Variants in CDK13 observed in about 807,000 individuals in gnomAD.
CDK13 encodes the protein cyclin dependent kinase 13, also known as cyclin-dependent kinase 13.
Under a neutral mutation model 137.6 loss-of-function variants are expected in CDK13, and 40 were observed. That is an observed-to-expected ratio of 0.29 (90% CI 0.23 to 0.38). The LOEUF (loss-of-function observed/expected upper bound fraction) is 0.38. Ranked by LOEUF, CDK13 falls within the 10% of genes least tolerant of loss-of-function variation. The pLI is 1.00. For missense variants in CDK13, 1,704 were observed against 1,951.8 expected, an observed-to-expected ratio of 0.87 and a Z score of 2.39; for synonymous variants, 869 against 760.1, an observed-to-expected ratio of 1.14 and a Z score of -2.36.
chr7:40,080,579 AT>A (rs1165560753), intron 11 of CDK13, among the ~76,000 whole-genome samples: 1 of 152,000 alleles, frequency 6.6e-6, no homozygotes, highest in Non-Finnish European at 1.5e-5. Context: ...AGGGACCTGA[AT>A]TTTTCACTGT....
intron 7 of CDK13, among the ~76,000 whole-genome samples, chr7:40,057,450 A>G (rs1786045411): frequency 6.6e-6 from 1 of 152,178 alleles, no homozygotes; most frequent in East Asian, 1.9e-4. Flanking sequence ...GAGAGTAATG[A>G]GCCAGGCCTA....
chr7:39,966,093 G>A (rs182962190), intron 1 of CDK13, among the ~76,000 whole-genome samples: 2 of 152,178 alleles, frequency 1.3e-5, no homozygotes, highest in African/African-American at 4.8e-5. Flanking sequence ...ACAATTACGT[G>A]TCTTGGAGTA....
chr7:39,979,966 A>G (rs776895649), intron 1 of CDK13, among the ~76,000 whole-genome samples: 2 of 152,204 alleles, frequency 1.3e-5, no homozygotes, highest in East Asian at 1.9e-4. Flanking sequence ...CATTTTCCCA[A>G]GAGACTCCAG....
intron 2 of CDK13, among the ~76,000 whole-genome samples, chr7:39,990,452 T>TA (rs781692733): frequency 1.8e-4 from 28 of 152,306 alleles, no homozygotes; most frequent in Non-Finnish European, 3.2e-4. Flanking sequence ...ACTAACTACA[T>TA]ATGAGGAAGA....
chr7:40,054,283 C>T (rs1584044748), intron 7 of CDK13, among the ~76,000 whole-genome samples: 3 of 152,252 alleles, frequency 2.0e-5, no homozygotes, highest in Admixed American at 2.0e-4. Context: ...TTGAATCTCC[C>T]TTTGTCATAT....
chr7:39,956,354 T>G (rs564757292), intron 1 of CDK13, among the ~76,000 whole-genome samples: 1 of 152,366 alleles, frequency 6.6e-6, no homozygotes, highest in Admixed American at 6.5e-5. Context: ...AAACTTCACC[T>G]GACATTTACA....
At chr7:40,067,732 T>G (rs1786311947) in intron 9 of CDK13, 2 of 152,214 alleles carry the variant, frequency 1.3e-5, no homozygotes, top group Admixed American at 1.3e-4. Flanking sequence ...GAGGGTCACT[T>G]GAGGCCAGGA....
chr7:40,008,523 T>G (rs1784837529), intron 5 of CDK13, among the ~76,000 whole-genome samples: 1 of 152,210 alleles, frequency 6.6e-6, no homozygotes, highest in South Asian at 2.1e-4. Context: ...GATTTTTCTT[T>G]ATTGTTAGTT....
chr7:40,069,701 G>T (rs1185686498), intron 9 of CDK13: 1 of 153,218 alleles, frequency 6.5e-6, no homozygotes, highest in East Asian at 1.9e-4. Flanking sequence ...TAGTGAATGA[G>T]TTATTTTATT....
chr7:39,950,607 G>T lies in CDK13; in HGVS notation c.-35G>T. On this transcript the variant is annotated 5_prime_UTR_variant, in exon 1 of 14. Transcript: ENST00000181839. ...CCAGGATCTGACCCGGGAGGAGGCC[G>T]CACCCGCGCCGCGCTCTGCGGCTGG... 1 of 1,288,986 alleles carries T rather than the reference G, an allele frequency of 7.8e-7. No individual in the cohort carries two copies. Among genetic ancestry groups the T allele is most frequent in the Non-Finnish European group, 9.8e-7 (1 of 1,018,812 alleles). The allele number at this position is 1,288,986 out of a possible 1,614,324, so 79.8% of individuals were successfully genotyped here.
intron 12 of CDK13, among the ~76,000 whole-genome samples, chr7:40,088,992 T>C (rs1176075539): frequency 6.6e-6 from 1 of 150,716 alleles, no homozygotes; most frequent in Non-Finnish European, 1.5e-5. Flanking sequence ...GGAAGAAGAA[T>C]CGCTTGAACT....
chr7:40,092,844 C>T lies in CDK13; in HGVS notation c.3295C>T (p.Leu1099=). 1.2e-6 allele frequency: 2 copies of T among 1,614,158 alleles called. No homozygotes were observed. The highest frequency in any genetic ancestry group is 1.7e-6 in the Non-Finnish European group (2 of 1,180,022). Residue 1099 remains leucine (L), a synonymous_variant, in exon 13 of 14, where the codon CTA becomes TTA. Coordinates refer to ENST00000181839, the MANE Select transcript of CDK13 (RefSeq NM_003718.5). ...TGAATTGGCAATTCTACTAAACCTA[C>T]TACAATCTAAAACAAGTGTTAATAT... ...HSELAILLNL[L]QSKTSVNMAD... is the part of the protein sequence containing the mutation.
chr7:40,025,381 CAAAATAATT>C (rs1400911305), intron 5 of CDK13, among the ~76,000 whole-genome samples: 6 of 151,928 alleles, frequency 3.9e-5, no homozygotes, highest in South Asian at 4.2e-4. Flanking sequence ...GAAAAAATTC[CAAAATAATT>C]GGTAGAGTTT....
chr7:39,961,580 A>G (rs1341209186), intron 1 of CDK13, among the ~76,000 whole-genome samples: 4 of 151,932 alleles, frequency 2.6e-5, no homozygotes, highest in South Asian at 2.1e-4. Context: ...GATTCCACAT[A>G]TAAGTGAGAT....
intron 1 of CDK13, among the ~76,000 whole-genome samples, chr7:39,956,210 A>T (rs1787403790): frequency 6.6e-6 from 1 of 152,220 alleles, no homozygotes; most frequent in South Asian, 2.1e-4. Flanking sequence ...GTGTCAAAAA[A>T]TAGGATACTA....
intron 1 of CDK13, among the ~76,000 whole-genome samples, chr7:39,971,568 A>G (rs1046810648): frequency 2.6e-5 from 4 of 151,394 alleles, no homozygotes; most frequent in Non-Finnish European, 5.9e-5. Context: ...CTAGCAAACT[A>G]TTCCTTCAGC....
intron 11 of CDK13, among the ~76,000 whole-genome samples, chr7:40,080,853 C>T (rs1355343191): frequency 6.6e-6 from 1 of 152,110 alleles, no homozygotes; most frequent in Non-Finnish European, 1.5e-5. Context: ...GGAGGTGACA[C>T]TTATAAATAT....
At chr7:40,000,097 C>T (rs532401750) in intron 4 of CDK13, among the ~76,000 whole-genome samples, 7 of 152,186 alleles carry the variant, frequency 4.6e-5, no homozygotes, top group South Asian at 4.1e-4. Flanking sequence ...ACCAATAGGC[C>T]GGGCGTGATT....
At chr7:39,985,569 A>T (rs1784319660) in intron 1 of CDK13, 1 of 152,186 alleles carries the variant, frequency 6.6e-6, no homozygotes, top group Admixed American at 6.5e-5. Context: ...CACAGTGGTT[A>T]TACTAATTTA....
Sources: allele counts gnomAD v4.1 joint callset (sites outside exome capture counted in the v4.1 genomes callset), GRCh38; gene constraint gnomAD v4.1.1; transcripts MANE v1.5; gene names NCBI Gene and HGNC (gene_info 2026-07-23, HGNC 2026-07-21).